The following VTI1A variants were observed in gnomAD, a reference collection of about 807,000 sequenced individuals.
The protein encoded by VTI1A is vesicle transport through interaction with t-SNAREs 1A, also known as vesicle transport through interaction with t-SNAREs homolog 1A.
Under a neutral mutation model 34.9 loss-of-function variants are expected in VTI1A, and 22 were observed. The ratio of observed to expected loss-of-function variants is 0.63; its 90% CI spans 0.45 to 0.90. The LOEUF (loss-of-function observed/expected upper bound fraction) is 0.90, where lower values mean the gene tolerates loss of function less well. Ranked by LOEUF, VTI1A falls within the 40% of genes least tolerant of loss-of-function variation. VTI1A has a pLI of 0.00. For synonymous variants in VTI1A, 87 were observed against 97.3 expected, an observed-to-expected ratio of 0.89 and a Z score of 0.62; for missense variants, 268 against 275.6, an observed-to-expected ratio of 0.97 and a Z score of 0.20.
At chr10:112,681,169 G>A (rs1490157912) in intron 7 of VTI1A, among the ~76,000 whole-genome samples, 1 of 150,564 alleles carries the variant, frequency 6.6e-6, no homozygotes, top group African/African-American at 2.4e-5. Flanking sequence ...TCAACTTTCT[G>A]GGCTCAAGTG....
intron 3 of VTI1A, among the ~76,000 whole-genome samples, chr10:112,476,399 A>T (rs983663557): frequency 4.1e-4 from 62 of 152,150 alleles, no homozygotes; most frequent in African/African-American, 1.5e-3. Flanking sequence ...CTCATTTTTC[A>T]TGTATGGTAT....
At chr10:112,464,766 A>G (rs1344297794) in intron 3 of VTI1A, 109 bp downstream of exon 3, 10 of 887,372 alleles carry the variant, frequency 1.1e-5, no homozygotes, top group Non-Finnish European at 1.6e-5. Context: ...GTAGAAGACA[A>G]GTAACAGCTT....
intron 7 of VTI1A, among the ~76,000 whole-genome samples, chr10:112,683,184 A>G (rs1848280106): frequency 6.6e-6 from 1 of 152,252 alleles, no homozygotes; most frequent in African/African-American, 2.4e-5. Context: ...AGATGTACCT[A>G]TAAAATCAAA....
chr10:112,483,019 G>A (rs552203195), intron 3 of VTI1A, among the ~76,000 whole-genome samples: 4 of 152,198 alleles, frequency 2.6e-5, no homozygotes, highest in South Asian at 2.1e-4. Flanking sequence ...AGAAGTAGGC[G>A]TAGGAGAAAA....
intron 5 of VTI1A, among the ~76,000 whole-genome samples, chr10:112,542,681 A>G (rs1300443091): frequency 2.0e-5 from 3 of 152,180 alleles, no homozygotes; most frequent in Admixed American, 1.3e-4. Flanking sequence ...CATACTTTAT[A>G]TTCATTCTCT....
At chr10:112,829,798 TA>T in the VTI1A span, among the ~76,000 whole-genome samples, 1 of 152,140 alleles carries the variant, frequency 6.6e-6, no homozygotes, top group Admixed American at 6.5e-5. Context: ...AAATGGAGAC[TA>T]TGAGAAATGA....
intron 5 of VTI1A, among the ~76,000 whole-genome samples, chr10:112,550,342 C>T (rs1359527801): frequency 1.9e-5 from 2 of 107,532 alleles, no homozygotes; most frequent in Admixed American, 9.9e-5. Context: ...ACTTCTAGTG[C>T]CAGAAGGTTT....
rs185638332 is a variant in VTI1A, at chr10:112,472,477, T to C, written c.264+7820T>C. Among the ~76,000 whole-genome samples the C allele has an allele frequency of 2.8e-4, 42 of 152,042 alleles. No individual in the cohort carries two copies. The South Asian group carries it at 4.1e-3, about 15-fold the overall frequency. On this transcript the variant is annotated intron_variant, in intron 3 of 7. Transcript: ENST00000393077. ...ATACTACCTGTACTCTCTCTTTTCA[T>C]AGGTGAATGGACAACTTGAGTATCT... is the stretch of plus-strand genomic sequence containing the variant.
intron 7 of VTI1A, among the ~76,000 whole-genome samples, chr10:112,741,861 G>A (rs937698894): frequency 3.3e-5 from 5 of 151,952 alleles, no homozygotes; most frequent in Admixed American, 6.6e-5. Flanking sequence ...TCTATCTCTG[G>A]TTGGAATCTG....
At chr10:112,532,750 A>C (rs1850490773) in intron 4 of VTI1A, among the ~76,000 whole-genome samples, 1 of 152,186 alleles carries the variant, frequency 6.6e-6, no homozygotes, top group Non-Finnish European at 1.5e-5. Flanking sequence ...ATGAAGTAAG[A>C]GCTCATTGCC....
At chr10:112,844,839 A>C in the VTI1A span, among the ~76,000 whole-genome samples, 23 of 152,224 alleles carry the variant, frequency 1.5e-4, no homozygotes, top group Admixed American at 7.8e-4. Context: ...TGCTGCTTTG[A>C]GTTGTTGTTT....
At chr10:112,503,888 A>G (rs1849328634) in intron 3 of VTI1A, among the ~76,000 whole-genome samples, 1 of 152,202 alleles carries the variant, frequency 6.6e-6, no homozygotes, top group African/African-American at 2.4e-5. Context: ...ATTCCTTCTT[A>G]AATGGGCCAA....
At chr10:112,629,248 T>TG (rs1230376601) in intron 5 of VTI1A, among the ~76,000 whole-genome samples, 1 of 152,252 alleles carries the variant, frequency 6.6e-6, no homozygotes, top group Non-Finnish European at 1.5e-5. Context: ...ATGCATCACA[T>TG]TCCTCCTTAG....
intron 3 of VTI1A, among the ~76,000 whole-genome samples, chr10:112,489,981 G>A (rs918032665): frequency 3.9e-4 from 60 of 152,210 alleles, no homozygotes; most frequent in African/African-American, 1.4e-3. Flanking sequence ...CCATTCTAAC[G>A]TCAAATAAAA....
At chr10:112,624,804 G>A (rs912289325) in intron 5 of VTI1A, among the ~76,000 whole-genome samples, 3 of 152,134 alleles carry the variant, frequency 2.0e-5, no homozygotes, top group Non-Finnish European at 4.4e-5. Flanking sequence ...TATTGTAATG[G>A]GTAGATTAAG....
At chr10:112,841,262 G>C in the VTI1A span, among the ~76,000 whole-genome samples, 1 of 152,164 alleles carries the variant, frequency 6.6e-6, no homozygotes, top group African/African-American at 2.4e-5. Context: ...TTTCCCAAAG[G>C]GCTAACAGGG....
rs1284542573 is a variant in VTI1A at position 112,518,581 on chromosome 10, CTCTCTCTCTATA to C, written c.265-8504_265-8493del. On this transcript the variant is annotated intron_variant, in intron 3 of 7. Coordinates refer to ENST00000393077, the MANE Select transcript of VTI1A (RefSeq NM_145206.4). Reference sequence around the variant, plus strand: ...TCTCTCTCTCTCTCTCTCTCTCTCTCTCTCTCTCTATATATATATATATATATATATGTGTGT... The same window carrying C: ...TCTCTCTCTCTCTCTCTCTCTCTCTCTATATATATATATATATATGTGTGT... Among the ~76,000 whole-genome samples, 149 of 84,222 alleles carry C rather than the reference CTCTCTCTCTATA, an allele frequency of 1.8e-3. 1 individual carries two copies. The highest frequency in any genetic ancestry group is 2.4e-3 in the Non-Finnish European group (108 of 44,102). The allele number at this position is 84,222 out of a possible 152,430, so 55.3% of individuals were successfully genotyped here. A position where few individuals can be genotyped will look rare whatever the true frequency, so the allele number is the denominator to read the frequency against.
At chr10:112,613,455 T>C (rs1845397327) in intron 5 of VTI1A, among the ~76,000 whole-genome samples, 1 of 152,222 alleles carries the variant, frequency 6.6e-6, no homozygotes, top group African/African-American at 2.4e-5. Flanking sequence ...AGGTACTTCC[T>C]ATGCTGTATT....
At chr10:112,836,717 C>A in the VTI1A span, among the ~76,000 whole-genome samples, 10 of 152,116 alleles carry the variant, frequency 6.6e-5, no homozygotes, top group African/African-American at 2.4e-4. Context: ...ATGCAGTTGA[C>A]TGTGGATGGA....
Sources: gnomAD v4.1 joint callset for allele counts (sites outside exome capture counted in the v4.1 genomes callset) on GRCh38, gnomAD v4.1.1 for gene constraint, MANE v1.5 for transcripts, NCBI Gene and HGNC (gene_info 2026-07-23, HGNC 2026-07-21) for gene names.